Variants in CACNA1S observed in about 807,000 individuals in gnomAD.
The protein encoded by CACNA1S is voltage-dependent L-type calcium channel subunit alpha-1S.
CACNA1S carries 126 observed loss-of-function variants against 207.4 expected under a neutral mutation model. The ratio of observed to expected loss-of-function variants is 0.61; its 90% CI spans 0.53 to 0.70. The LOEUF is 0.70. Among genes scored for constraint, CACNA1S ranks in the 30% least tolerant of loss-of-function variants. The probability of loss-of-function intolerance (pLI) is 0.00; values close to 1 mark genes in which losing one functional copy is unlikely to be tolerated. For missense variants in CACNA1S, 2,349 were observed against 2,422.8 expected (o/e 0.97, Z 0.64); for synonymous variants, 960 against 932.7 (o/e 1.03, Z -0.53).
intron 28 of CACNA1S, among the ~76,000 whole-genome samples, chr1:201,055,078 C>T (rs998213476): frequency 1.3e-5 from 2 of 152,176 alleles, no homozygotes; most frequent in African/African-American, 4.8e-5. Flanking sequence ...CAGGACTGGA[C>T]CTGGGACCAA....
At chr1:201,086,930 A>T (rs1296498587) in intron 7 of CACNA1S, among the ~76,000 whole-genome samples, 1 of 152,212 alleles carries the variant, frequency 6.6e-6, no homozygotes, top group Admixed American at 6.5e-5. Flanking sequence ...GGAAACACTA[A>T]ATTTCAGTTA....
At position 201,061,802 on chromosome 1, in the gene CACNA1S, T is replaced by C. The variant is rs533697919; in HGVS notation, c.3053+142A>G. ...TTTGGAGTGACCAGTCAACATACCA[T>C]CAAACCATCAGAGAGTTGGTGGGTT... On this transcript the variant is annotated intron_variant, in intron 24 of 43. Transcript: ENST00000362061. 8 of 972,148 alleles carry C rather than the reference T, an allele frequency of 8.2e-6. No individual in the cohort carries two copies. The Admixed American group carries it at 1.3e-4, about 16-fold the overall frequency. The allele number at this position is 972,148 out of a possible 1,614,324, so 60.2% of individuals were successfully genotyped here.
intron 22 of CACNA1S, among the ~76,000 whole-genome samples, chr1:201,063,050 C>T (rs1661121000): frequency 1.3e-5 from 2 of 151,662 alleles, no homozygotes; most frequent in African/African-American, 2.4e-5. Flanking sequence ...CAGAGTCAAG[C>T]GGGGTCCCAT....
At chr1:201,087,078 T>C (rs932149291) in intron 7 of CACNA1S, among the ~76,000 whole-genome samples, 1 of 152,202 alleles carries the variant, frequency 6.6e-6, no homozygotes, top group Non-Finnish European at 1.5e-5. Flanking sequence ...ACTTCTAGCC[T>C]CTCTGCTGTG....
chr1:201,074,698 G>A (rs533314270), intron 13 of CACNA1S, 78 bp from the exon 14 acceptor site: 2 of 896,556 alleles, frequency 2.2e-6, no homozygotes, highest in African/African-American at 1.8e-5. Context: ...CTGCCTGCAT[G>A]TGGGCAGGAC....
chr1:201,092,966 G>T (rs1281044453), intron 3 of CACNA1S, among the ~76,000 whole-genome samples: 1 of 152,208 alleles, frequency 6.6e-6, no homozygotes, highest in African/African-American at 2.4e-5. Flanking sequence ...TGGGCAAGTT[G>T]CTTGACTTTT....
intron 5 of CACNA1S, 28 bp from the exon 6 acceptor site, chr1:201,089,491 A>T (rs1662155612): frequency 6.2e-7 from 1 of 1,606,136 alleles, no homozygotes; most frequent in Non-Finnish European, 8.5e-7. Flanking sequence ...AGGGAACATC[A>T]GACAACAGTA....
intron 26 of CACNA1S, 57 bp from the exon 27 acceptor site, chr1:201,059,356 G>T (rs1660965041): frequency 3.7e-6 from 4 of 1,087,758 alleles, no homozygotes; most frequent in Non-Finnish European, 1.4e-6. Flanking sequence ...CCACCCTGTA[G>T]ATTGCATTCC....
Position 201,077,937 on chromosome 1 carries a change from G to A in CACNA1S, c.1561C>T (p.Pro521Ser). Residue 521 changes from proline (P) to serine (S), a missense_variant, in exon 11 of 44, where the codon CCC becomes TCC. Physicochemically the swap from Pro to Ser is moderately conservative, Grantham distance 74. Coordinates refer to ENST00000362061, the MANE Select transcript of CACNA1S (RefSeq NM_000069.3). ...ILLVESGAMT[P>S]LGISVLRCIR... is the part of the protein sequence containing the mutation. ...CAGCGGAGCACGGAGATGCCCAGGG[G>A]TGTCATGGCACCCGACTCCACCAGC... 2 of 1,614,142 alleles carry A rather than the reference G, an allele frequency of 1.2e-6. No individual in the cohort carries two copies. The highest frequency in any genetic ancestry group is 1.7e-6 in the Non-Finnish European group (2 of 1,179,964).
intron 5 of CACNA1S, 99 bp downstream of exon 5, chr1:201,091,541 C>A: frequency 7.5e-7 from 1 of 1,336,042 alleles, no homozygotes; most frequent in Non-Finnish European, 1.1e-6. Flanking sequence ...ATGTGGGCGG[C>A]AATGGCTGAG....
In CACNA1S at chr1:201,073,662, G is replaced by A. The variant is rs373176654; in HGVS notation, c.2064-20C>T. The A allele has an allele frequency of 1.3e-6, 2 of 1,597,622 alleles. No individual in the cohort carries two copies. Among genetic ancestry groups the A allele is most frequent in the African/African-American group, 1.3e-5 (1 of 74,614 alleles). ...AGACCCCTGAGTTAGAAAACCCAAA[G>A]TGGAAGCCAAACCAGAAAGTTCTCA... On this transcript the variant is annotated intron_variant, in intron 14 of 43. Transcript: ENST00000362061.
At chr1:201,050,626 C>G in intron 33 of CACNA1S, 110 bp from the exon 34 acceptor site, 1 of 1,304,922 alleles carries the variant, frequency 7.7e-7, no homozygotes, top group Non-Finnish European at 1.1e-6. Context: ...TTCCTGTGCC[C>G]TTGATTCTAG....
At position 201,079,348 on chromosome 1, in the gene CACNA1S, A is replaced by G. The variant is rs535389602; in HGVS notation, c.1394-1244T>C. ...CAGGGGCATCGATCTGCCACATCCA[A>G]TGCTAATCTAACCCTCCTGCTCCTG... On this transcript the variant is annotated intron_variant, in intron 10 of 43. Transcript: ENST00000362061. Among the ~76,000 whole-genome samples the G allele has an allele frequency of 3.3e-5, 5 of 151,990 alleles. No individual in the cohort carries two copies. The South Asian group carries it at 8.3e-4, about 25-fold the overall frequency.
intron 2 of CACNA1S, among the ~76,000 whole-genome samples, chr1:201,095,187 C>T (rs897213321): frequency 6.7e-5 from 10 of 149,882 alleles, no homozygotes; most frequent in Non-Finnish European, 1.0e-4. Flanking sequence ...TACATATGTA[C>T]GTGTGTATAT....
rs1572025690 is a variant in CACNA1S, at chr1:201,050,423, T to C, written c.4207A>G (p.Lys1403Glu). 1 of 1,614,130 alleles carries C rather than the reference T, an allele frequency of 6.2e-7. No homozygotes were observed. Among genetic ancestry groups the C allele is most frequent in the Non-Finnish European group, 8.5e-7 (1 of 1,180,014 alleles). The change falls in exon 34 of 44, where the codon AAG (lysine) becomes GAG (glutamate). Residue 1403 changes from lysine to glutamate, a missense_variant. By Grantham distance (56) the Lys-to-Glu change is moderately conservative (BLOSUM62 1). Coordinates refer to ENST00000362061, the MANE Select transcript of CACNA1S (RefSeq NM_000069.3). Reference protein sequence around the residue: ...ILGPHHLDEFKAIWAEYDPEA... With the variant: ...ILGPHHLDEFEAIWAEYDPEA... The stretch of plus-strand genomic sequence containing the variant: ...GGGTCATACTCTGCCCAGATGGCCT[T>C]GAACTCATCCAGGTGATGAGGGCCC...
rs187601538 is a variant in CACNA1S, at chr1:201,075,642, G to A, written c.1828-27C>T. ...TGTATGGAGGGAGGATAGAGGGCTC[G>A]GGAACACAGAGGGGCCTGAGAGTCT... On this transcript the variant is annotated intron_variant, in intron 12 of 43. Coordinates refer to ENST00000362061, the MANE Select transcript of CACNA1S (RefSeq NM_000069.3). 4.1e-4 allele frequency: 655 copies of A among 1,612,840 alleles called. 1 individual carries two copies. In the African/African-American group the frequency reaches 7.0e-3, roughly 17 times the overall value.
At chr1:201,080,268 G>T (rs1427201920) in intron 10 of CACNA1S, among the ~76,000 whole-genome samples, 1 of 152,074 alleles carries the variant, frequency 6.6e-6, no homozygotes, top group Non-Finnish European at 1.5e-5. Flanking sequence ...AAAGCTCAGG[G>T]ATACTGCTCA....
At chr1:201,063,360 G>T (rs1425533463) in intron 22 of CACNA1S, among the ~76,000 whole-genome samples, 4 of 151,226 alleles carry the variant, frequency 2.6e-5, no homozygotes, top group Non-Finnish European at 5.9e-5. Flanking sequence ...TGTGATCTCG[G>T]CTCACTGCAA....
rs535051876 is a variant in CACNA1S, at chr1:201,066,755, C to G, written c.2657+132G>C. 2.3e-4 allele frequency: 167 copies of G among 722,746 alleles called. No homozygotes were observed. Among genetic ancestry groups the G allele is most frequent in the Non-Finnish European group, 3.8e-4 (150 of 399,798 alleles). The allele number at this position is 722,746 out of a possible 1,614,324, so 44.8% of individuals were successfully genotyped here. A position where few individuals can be genotyped will look rare whatever the true frequency, so the allele number is the denominator to read the frequency against. On this transcript the variant is annotated intron_variant, in intron 20 of 43. Coordinates refer to ENST00000362061, the MANE Select transcript of CACNA1S (RefSeq NM_000069.3). The surrounding 1 kb of genome is among the most constrained non-coding windows in gnomAD (Gnocchi z 4.3). ...GGTGACAACCCACAGGACCCCCTGCCTCCATCGGAGGCCCCGAGAGACCCT... is the reference window on the plus strand; with the variant it reads ...GGTGACAACCCACAGGACCCCCTGCGTCCATCGGAGGCCCCGAGAGACCCT...
Sources: allele counts gnomAD v4.1 joint callset (sites outside exome capture counted in the v4.1 genomes callset), GRCh38; gene constraint gnomAD v4.1.1; non-coding constraint Gnocchi (gnomAD v3.1); transcripts MANE v1.5; gene names NCBI Gene and HGNC (gene_info 2026-07-23, HGNC 2026-07-21).